MAGI2: variants seen among roughly 807,000 people sequenced by gnomAD.
MAGI2 encodes the protein membrane associated guanylate kinase, WW and PDZ domain containing 2, also known as membrane-associated guanylate kinase, WW and PDZ domain-containing protein 2.
MAGI2 carries 35 observed loss-of-function variants against 133.3 expected under a neutral mutation model. That is an observed-to-expected ratio of 0.26 (90% CI 0.20 to 0.35). The LOEUF (loss-of-function observed/expected upper bound fraction) is 0.35, where lower values mean the gene tolerates loss of function less well. MAGI2 is among the 10% of genes least tolerant of loss of function. The probability of loss-of-function intolerance (pLI) is 1.00; values close to 1 mark genes in which losing one functional copy is unlikely to be tolerated. For synonymous variants in MAGI2, 729 were observed against 710.6 expected (o/e 1.03, Z -0.41); for missense variants, 1,636 against 1,863.4 (o/e 0.88, Z 2.25).
At chr7:78,613,278 A>G (rs943561890) in intron 3 of MAGI2, among the ~76,000 whole-genome samples, 5 of 152,248 alleles carry the variant, frequency 3.3e-5, no homozygotes, top group African/African-American at 9.6e-5. Context: ...CTTCTCTTAC[A>G]GGACAGATAA....
At chr7:79,153,160 C>T (rs74683379) in intron 1 of MAGI2, among the ~76,000 whole-genome samples, 3 of 152,068 alleles carry the variant, frequency 2.0e-5, no homozygotes, top group African/African-American at 7.2e-5. Flanking sequence ...CAAATAAATA[C>T]CCAGGATAGT....
intron 12 of MAGI2, among the ~76,000 whole-genome samples, chr7:78,192,684 C>T (rs3807653): frequency 0.12 from 18,939 of 152,022 alleles, 1,532 homozygotes; most frequent in East Asian, 0.3. Flanking sequence ...TTCATTTACA[C>T]TCCATTTAGT....
intron 2 of MAGI2, among the ~76,000 whole-genome samples, chr7:78,846,915 G>A (rs1474934380): frequency 6.6e-6 from 1 of 151,844 alleles, no homozygotes; most frequent in African/African-American, 2.4e-5. Context: ...ACAGAGAAGA[G>A]GAGCTTAGCT....
intron 20 of MAGI2, among the ~76,000 whole-genome samples, chr7:78,121,040 T>C (rs1409392749): frequency 6.8e-6 from 1 of 147,790 alleles, no homozygotes; most frequent in Non-Finnish European, 1.5e-5. Context: ...CTGTGACATG[T>C]GGTTATCCAT....
chr7:78,839,217 C>A (rs1240801905), intron 2 of MAGI2, among the ~76,000 whole-genome samples: 3 of 152,032 alleles, frequency 2.0e-5, no homozygotes, highest in Admixed American at 6.6e-5. Context: ...CCCATGATTT[C>A]TCTAAACTTC....
At chr7:78,910,490 T>C (rs1395525472) in intron 2 of MAGI2, among the ~76,000 whole-genome samples, 1 of 152,168 alleles carries the variant, frequency 6.6e-6, no homozygotes, top group Non-Finnish European at 1.5e-5. Flanking sequence ...AACTTGGTTC[T>C]GTGAAATAAT....
At chr7:79,089,549 C>A (rs768983621) in intron 1 of MAGI2, among the ~76,000 whole-genome samples, 1 of 151,806 alleles carries the variant, frequency 6.6e-6, no homozygotes, top group Non-Finnish European at 1.5e-5. Context: ...GACTTTGAAC[C>A]GACCCAAATG....
At chr7:78,621,073 C>T (rs1055155755) in intron 3 of MAGI2, among the ~76,000 whole-genome samples, 13 of 151,980 alleles carry the variant, frequency 8.6e-5, no homozygotes, top group Non-Finnish European at 1.6e-4. Context: ...AGGCAGGATT[C>T]GCTGACTTAG....
At chr7:79,136,116 AG>A (rs1821536735) in intron 1 of MAGI2, among the ~76,000 whole-genome samples, 1 of 151,150 alleles carries the variant, frequency 6.6e-6, no homozygotes, top group African/African-American at 2.4e-5. Context: ...AAAGAAAGAA[AG>A]AAAGAAAGAA....
chr7:78,504,333 TA>T (rs200225472), intron 4 of MAGI2, among the ~76,000 whole-genome samples: 4,786 of 152,282 alleles, frequency 0.031, 234 homozygotes, highest in African/African-American at 0.11. Context: ...AAATATCTCC[TA>T]ATGTGTATGT....
chr7:78,504,226 T>C (rs929820928), intron 4 of MAGI2, among the ~76,000 whole-genome samples: 2 of 152,246 alleles, frequency 1.3e-5, no homozygotes, highest in South Asian at 4.1e-4. Flanking sequence ...AGTGAGTATA[T>C]GAGATAATTT....
At position 78,717,971 on chromosome 7, in the gene MAGI2, T is replaced by C. The variant is rs10452967; in HGVS notation, c.419-90732A>G. On this transcript the variant is annotated intron_variant, in intron 2 of 21. Transcript: ENST00000354212. Reference sequence around the variant, plus strand: ...AATGGGCAAACCCAAGATAACTCTGTAATGATGGATCCTTTGTAAACTTTA... The same window carrying C: ...AATGGGCAAACCCAAGATAACTCTGCAATGATGGATCCTTTGTAAACTTTA... Among the ~76,000 whole-genome samples, 1,424 of 152,328 alleles carry C rather than the reference T, an allele frequency of 9.3e-3. 26 individuals carry two copies. The highest frequency in any genetic ancestry group is 0.033 in the African/African-American group (1,356 of 41,566).
chr7:78,262,812 A>AT (rs1329277858), intron 9 of MAGI2, among the ~76,000 whole-genome samples: 1 of 152,122 alleles, frequency 6.6e-6, no homozygotes, highest in Non-Finnish European at 1.5e-5. Flanking sequence ...GATAACTTTT[A>AT]TTTTTTAAAA....
chr7:79,453,383 G>C lies in MAGI2; in HGVS notation c.-63C>G. On this transcript the variant is annotated 5_prime_UTR_variant, in exon 1 of 22. Coordinates refer to ENST00000354212, the MANE Select transcript of MAGI2 (RefSeq NM_012301.4). ...GGGGTTAGGGGGGCTGGTGGTGAGA[G>C]AATGAGGATGGAGGAGCAAGGGGGC... 6.5e-7 allele frequency: 1 copy of C among 1,531,658 alleles called. No homozygotes were observed. The highest frequency in any genetic ancestry group is 1.3e-5 in the South Asian group (1 of 76,810). The allele number at this position is 1,531,658 out of a possible 1,614,324, so 94.9% of individuals were successfully genotyped here. A position where few individuals can be genotyped will look rare whatever the true frequency, so the allele number is the denominator to read the frequency against.
intron 3 of MAGI2, among the ~76,000 whole-genome samples, chr7:78,526,434 A>G (rs1796958284): frequency 6.6e-6 from 1 of 152,222 alleles, no homozygotes; most frequent in South Asian, 2.1e-4. Flanking sequence ...GTGAAGAATC[A>G]TCTATACATT....
intron 1 of MAGI2, among the ~76,000 whole-genome samples, chr7:79,100,793 T>G (rs1269254477): frequency 1.3e-5 from 2 of 151,968 alleles, no homozygotes; most frequent in African/African-American, 4.8e-5. Context: ...TTTCTAACTT[T>G]TAGTGTCTTA....
intron 3 of MAGI2, among the ~76,000 whole-genome samples, chr7:78,624,760 C>A (rs960633303): frequency 6.6e-6 from 1 of 151,870 alleles, no homozygotes; most frequent in Non-Finnish European, 1.5e-5. Context: ...TATTTACCTA[C>A]GTAACTTAAA....
intron 1 of MAGI2, among the ~76,000 whole-genome samples, chr7:79,052,927 A>G (rs894369763): frequency 7.9e-5 from 12 of 152,164 alleles, no homozygotes; most frequent in African/African-American, 2.7e-4. Flanking sequence ...TATAGTTGAA[A>G]TGAAACAGTG....
At chr7:79,241,765 A>G (rs910021339) in intron 1 of MAGI2, among the ~76,000 whole-genome samples, 34 of 152,166 alleles carry the variant, frequency 2.2e-4, no homozygotes, top group Non-Finnish European at 4.7e-4. Context: ...TATAGATAAC[A>G]TCATATTGTA....
Sources: gnomAD v4.1 joint callset for allele counts (sites outside exome capture counted in the v4.1 genomes callset) on GRCh38, gnomAD v4.1.1 for gene constraint, MANE v1.5 for transcripts, NCBI Gene and HGNC (gene_info 2026-07-23, HGNC 2026-07-21) for gene names.